GRIP1: variants seen among roughly 807,000 people sequenced by gnomAD.
GRIP1 encodes glutamate receptor-interacting protein 1.
In GRIP1, 45 loss-of-function variants were observed where a neutral mutation model predicts 129.9. The observed-to-expected ratio is 0.35, with a 90% CI of 0.27 to 0.44. The LOEUF (loss-of-function observed/expected upper bound fraction) is 0.44. Ranked by LOEUF, GRIP1 falls within the 20% of genes least tolerant of loss-of-function variation. The pLI is 1.00. For missense variants in GRIP1, 1,196 were observed against 1,396.8 expected, an observed-to-expected ratio of 0.86 and a Z score of 2.29; for synonymous variants, 530 against 520.8, an observed-to-expected ratio of 1.02 and a Z score of -0.24.
intron 1 of GRIP1, among the ~76,000 whole-genome samples, chr12:67,039,582 A>T (rs1218604321): frequency 6.6e-6 from 1 of 152,196 alleles, no homozygotes; most frequent in Admixed American, 6.5e-5. Flanking sequence ...ATTTCCAGAA[A>T]GAGTACTGCA....
chr12:66,753,130 A>C (rs1186899093), intron 1 of GRIP1, among the ~76,000 whole-genome samples: 6 of 152,068 alleles, frequency 3.9e-5, no homozygotes, highest in Non-Finnish European at 8.8e-5. Flanking sequence ...AAACTCTTTC[A>C]TGCTCTTATA....
chr12:66,675,176 A>G (rs971894232), intron 1 of GRIP1, among the ~76,000 whole-genome samples: 1 of 152,204 alleles, frequency 6.6e-6, no homozygotes, highest in Non-Finnish European at 1.5e-5. Context: ...GCTTTGAGCC[A>G]GTAGAGAAAA....
At chr12:66,623,903 C>A (rs1439976131) in intron 1 of GRIP1, among the ~76,000 whole-genome samples, 2 of 152,044 alleles carry the variant, frequency 1.3e-5, no homozygotes, top group African/African-American at 2.4e-5. Context: ...TGAATTTTTT[C>A]TTTTAAATTT....
At chr12:66,859,976 A>G (rs1175873836) in intron 1 of GRIP1, among the ~76,000 whole-genome samples, 1 of 152,042 alleles carries the variant, frequency 6.6e-6, no homozygotes, top group Non-Finnish European at 1.5e-5. Flanking sequence ...ATTTCCAGGC[A>G]TCCTGATGTA....
rs756748310 is a variant in GRIP1, at chr12:66,515,745, C to T, written c.598G>A (p.Gly200Ser). Reference sequence around the variant, plus strand: ...CCATCCACACTGAGCAACCTGTCACCGGGTTTGATCGTGCCCTCTCTGAAG... The same window carrying T: ...CCATCCACACTGAGCAACCTGTCACTGGGTTTGATCGTGCCCTCTCTGAAG... ...PADREGTIKPGDRLLSVDGIR... is the reference protein window; with the variant it reads ...PADREGTIKPSDRLLSVDGIR... Residue 200 changes from glycine to serine, a missense_variant, in exon 7 of 25, where the codon GGT (glycine) becomes AGT (serine). This residue lies in a region of GRIP1 where 16 missense variants were observed against 43.6 expected (regional missense o/e 0.37). Coordinates refer to ENST00000359742, the MANE Select transcript of GRIP1 (RefSeq NM_001366722.1). The T allele has an allele frequency of 2.2e-5, 36 of 1,613,460 alleles. No individual in the cohort carries two copies. The highest frequency in any genetic ancestry group is 1.3e-4 in the South Asian group (12 of 91,084).
chr12:66,946,009 C>T (rs768157162), intron 1 of GRIP1, among the ~76,000 whole-genome samples: 1 of 152,206 alleles, frequency 6.6e-6, no homozygotes, highest in African/African-American at 2.4e-5. Flanking sequence ...CCCCTTCCTT[C>T]TTCCTGCTAC....
At chr12:66,587,774 A>G (rs2063696672) in intron 2 of GRIP1, among the ~76,000 whole-genome samples, 1 of 152,198 alleles carries the variant, frequency 6.6e-6, no homozygotes, top group African/African-American at 2.4e-5. Flanking sequence ...AGGGCAAGGG[A>G]TCAATGTGTC....
intron 1 of GRIP1, among the ~76,000 whole-genome samples, chr12:66,722,730 A>G (rs928373615): frequency 2.0e-5 from 3 of 152,182 alleles, no homozygotes; most frequent in African/African-American, 7.2e-5. Context: ...AAAGACAATC[A>G]AAATACAGAT....
intron 2 of GRIP1, chr12:66,568,416 A>G (rs2062844194): frequency 5.8e-6 from 1 of 172,608 alleles, no homozygotes; most frequent in Non-Finnish European, 1.2e-5. Flanking sequence ...TAAGATCCAT[A>G]CTAAGCCTAA....
intron 11 of GRIP1, among the ~76,000 whole-genome samples, chr12:66,451,952 G>A (rs2058819949): frequency 6.6e-6 from 1 of 152,196 alleles, no homozygotes; most frequent in Non-Finnish European, 1.5e-5. Context: ...GAAGGGACCA[G>A]AAAAGTTGTT....
intron 5 of GRIP1, among the ~76,000 whole-genome samples, chr12:66,525,657 C>T (rs1414965501): frequency 3.3e-5 from 5 of 151,800 alleles, no homozygotes; most frequent in South Asian, 2.1e-4. Flanking sequence ...TCCTATTAAA[C>T]GTAGTGTTGG....
intron 1 of GRIP1, among the ~76,000 whole-genome samples, chr12:66,985,897 T>C (rs894142899): frequency 6.6e-6 from 1 of 152,220 alleles, no homozygotes; most frequent in Non-Finnish European, 1.5e-5. Flanking sequence ...GTAACAGTTA[T>C]TGATTTCATT....
intron 14 of GRIP1, among the ~76,000 whole-genome samples, chr12:66,424,997 C>T (rs1394011105): frequency 6.6e-6 from 1 of 152,036 alleles, no homozygotes; most frequent in Admixed American, 6.6e-5. Flanking sequence ...CCCAACTCTC[C>T]CTGTTTCTGG....
At chr12:66,613,323 A>G (rs2139898345) in intron 1 of GRIP1, among the ~76,000 whole-genome samples, 1 of 152,272 alleles carries the variant, frequency 6.6e-6, no homozygotes. Flanking sequence ...ATGCATAATT[A>G]CCACTAACTG....
intron 1 of GRIP1, among the ~76,000 whole-genome samples, chr12:66,984,989 G>GTTCT (rs1252910610): frequency 6.6e-6 from 1 of 152,122 alleles, no homozygotes; most frequent in Non-Finnish European, 1.5e-5. Context: ...GGGAAAGGTG[G>GTTCT]TTCTATGCCT....
chr12:66,529,792 A>G, intron 5 of GRIP1, 39 bp downstream of exon 5: 5 of 1,077,020 alleles, frequency 4.6e-6, no homozygotes, highest in Non-Finnish European at 5.8e-6. Flanking sequence ...ACCTATGGAA[A>G]TATTTTTTTT....
At chr12:67,029,120 A>G (rs1757000818) in intron 1 of GRIP1, among the ~76,000 whole-genome samples, 1 of 152,096 alleles carries the variant, frequency 6.6e-6, no homozygotes, top group Non-Finnish European at 1.5e-5. Flanking sequence ...AATAAATTAA[A>G]AAAAATTTTT....
chr12:66,771,274 C>A (rs1021652439), intron 1 of GRIP1, among the ~76,000 whole-genome samples: 1 of 152,108 alleles, frequency 6.6e-6, no homozygotes, highest in African/African-American at 2.4e-5. Flanking sequence ...TGATGATACT[C>A]TTATTCTCAT....
At chr12:67,068,963 G>T in intron 1 of GRIP1, 1 of 580,320 alleles carries the variant, frequency 1.7e-6, no homozygotes, top group Non-Finnish European at 2.2e-6. Context: ...GGGTGGACGG[G>T]TCGGGAGGGA....
Sources: gnomAD v4.1 joint callset for allele counts (sites outside exome capture counted in the v4.1 genomes callset) on GRCh38, gnomAD v4.1.1 for gene constraint, gnomAD v4.1.1 regional missense constraint, MANE v1.5 for transcripts, NCBI Gene and HGNC (gene_info 2026-07-23, HGNC 2026-07-21) for gene names.